Variants in HPSE observed in about 807,000 individuals in gnomAD.
HPSE encodes heparanase.
A neutral mutation model predicts 65.1 loss-of-function variants in HPSE; 48 were observed. That is an observed-to-expected ratio of 0.74 (90% CI 0.58 to 0.94). The LOEUF (loss-of-function observed/expected upper bound fraction) is 0.94, where lower values mean the gene tolerates loss of function less well. HPSE is among the 40% of genes least tolerant of loss of function. The probability of loss-of-function intolerance (pLI) is 0.00; values close to 1 mark genes in which losing one functional copy is unlikely to be tolerated. For synonymous variants in HPSE, 243 were observed against 260.0 expected (o/e 0.93, Z 0.63); for missense variants, 644 against 637.5 (o/e 1.01, Z -0.11).
At chr4:83,313,061 A>G in intron 4 of HPSE, 53 bp downstream of exon 4, 1 of 1,104,396 alleles carries the variant, frequency 9.1e-7, no homozygotes, top group East Asian at 2.4e-5. Flanking sequence ...AAGAAAAGAA[A>G]TAATGCTAGT....
intron 1 of HPSE, among the ~76,000 whole-genome samples, chr4:83,332,516 A>G (rs1264057702): frequency 6.6e-6 from 1 of 152,258 alleles, no homozygotes; most frequent in African/African-American, 2.4e-5. Flanking sequence ...TGTAAACCAG[A>G]AAAAAAGTTT....
intron 1 of HPSE, among the ~76,000 whole-genome samples, chr4:83,333,514 C>T (rs1343394207): frequency 6.6e-6 from 1 of 152,140 alleles, no homozygotes; most frequent in Non-Finnish European, 1.5e-5. Context: ...GTGATCTTTC[C>T]CTCTATCTGG....
chr4:83,308,930 C>A lies in HPSE; in HGVS notation c.1006G>T (p.Gly336Cys). The change falls in exon 8 of 12, where the codon GGC becomes TGC. Residue 336 changes from glycine (G) to cysteine (C), a missense_variant. Gly to Cys is a radical substitution (Grantham distance 159). Transcript: ENST00000311412. ...VFQVVESTRP[G>C]KKVWLGETSS... ...GTTTCTCCTAACCAGACCTTCTTGC[C>A]AGGCCTGGTGCTCTCAACCACCTAT... The A allele has an allele frequency of 6.2e-7, 1 of 1,614,096 alleles. No homozygotes were observed. The highest frequency in any genetic ancestry group is 8.5e-7 in the Non-Finnish European group (1 of 1,179,932).
chr4:83,308,496 C>T (rs1413481156), intron 8 of HPSE, among the ~76,000 whole-genome samples: 2 of 152,230 alleles, frequency 1.3e-5, no homozygotes, highest in Non-Finnish European at 2.9e-5. Flanking sequence ...ATCCTCCCAC[C>T]TTGGCCTCCC....
Position 83,298,472 on chromosome 4 carries a change from A to AT in HPSE, c.1472+2487dup, listed in dbSNP as rs199559203. On this transcript the variant is annotated intron_variant, in intron 11 of 11. Transcript: ENST00000311412. ...GGCAATATAGTGAGACCTTGTCTCT[A>AT]TTTTTTTTTAAAAAAAAACAGATGT... Among the ~76,000 whole-genome samples, 150 of 150,196 alleles carry AT rather than the reference A, an allele frequency of 1.0e-3. 1 individual carries two copies. Among genetic ancestry groups the AT allele is most frequent in the African/African-American group, 2.4e-3 (98 of 40,336 alleles).
rs1261954895 is a variant in HPSE, at chr4:83,298,285, T to C, written c.1472+2675A>G. On this transcript the variant is annotated intron_variant, in intron 11 of 11. Transcript: ENST00000311412. Reference sequence around the variant, plus strand: ...TAGCAAGCAACAGATTCGGCGGAAATGGGGATGCTGGGCAAAATGTATGAG... The same window carrying C: ...TAGCAAGCAACAGATTCGGCGGAAACGGGGATGCTGGGCAAAATGTATGAG... 3.3e-5 allele frequency among the ~76,000 whole-genome samples: 5 copies of C among 152,104 alleles called. No individual in the cohort carries two copies. The East Asian group carries it at 9.7e-4, about 29-fold the overall frequency.
At chr4:83,320,047 A>G (rs1736825307) in intron 2 of HPSE, among the ~76,000 whole-genome samples, 2 of 151,318 alleles carry the variant, frequency 1.3e-5, no homozygotes, top group South Asian at 4.1e-4. Context: ...AAAAAAAAAA[A>G]AAAGCTGGAA....
At chr4:83,327,350 T>G (rs1321760302) in intron 1 of HPSE, among the ~76,000 whole-genome samples, 1 of 152,268 alleles carries the variant, frequency 6.6e-6, no homozygotes, top group East Asian at 1.9e-4. Flanking sequence ...AGGACCTTTT[T>G]GTTTGTCTCC....
rs1735598307 is a variant in HPSE at position 83,292,856 on chromosome 4, G to C, written c.*2488C>G. Reference sequence around the variant, plus strand: ...TGGTATAAGGGATGTTGGAGACTCAGAAGGGAAGAGGGCGGAAGGAGGGTA... The same window carrying C: ...TGGTATAAGGGATGTTGGAGACTCACAAGGGAAGAGGGCGGAAGGAGGGTA... On this transcript the variant is annotated 3_prime_UTR_variant, in exon 12 of 12. Coordinates refer to ENST00000311412, the MANE Select transcript of HPSE (RefSeq NM_001098540.3). 6.6e-6 allele frequency: 1 copy of C among 152,198 alleles called. No individual in the cohort carries two copies. The highest frequency in any genetic ancestry group is 2.4e-5 in the African/African-American group (1 of 41,446). 9.4% of individuals were successfully genotyped at this position (152,198 alleles called of 1,614,324 possible). A position where few individuals can be genotyped will look rare whatever the true frequency, so the allele number is the denominator to read the frequency against.
intron 1 of HPSE, among the ~76,000 whole-genome samples, chr4:83,325,006 G>A (rs113606633): frequency 0.013 from 1,964 of 152,242 alleles, 42 homozygotes; most frequent in African/African-American, 0.043. Flanking sequence ...ATACAGGAGA[G>A]AATTATGCCA....
chr4:83,305,967 T>C lies in HPSE; in HGVS notation c.1206+236A>G, dbSNP rs560341266. Among the ~76,000 whole-genome samples the C allele has an allele frequency of 2.6e-5, 4 of 152,200 alleles. No homozygotes were observed. The South Asian group carries it at 8.3e-4, about 32-fold the overall frequency. On this transcript the variant is annotated intron_variant, in intron 9 of 11. Coordinates refer to ENST00000311412, the MANE Select transcript of HPSE (RefSeq NM_001098540.3). ...TCAAATTATCCCCTTTTAAACAAAA[T>C]CCACACTATACTGCAAATGGCTTAC...
chr4:83,322,172 G>A (rs754101245), intron 2 of HPSE, 47 bp downstream of exon 2: 10 of 1,523,612 alleles, frequency 6.6e-6, no homozygotes, highest in African/African-American at 1.4e-5. Context: ...TTCTCATGAC[G>A]GACTGACGTT....
intron 1 of HPSE, among the ~76,000 whole-genome samples, chr4:83,327,405 C>T (rs1737196803): frequency 6.6e-6 from 1 of 152,088 alleles, no homozygotes; most frequent in Non-Finnish European, 1.5e-5. Context: ...AATATTGACG[C>T]CCTCTGACAA....
chr4:83,306,348 G>A (rs538782794), intron 8 of HPSE, 31 bp from the exon 9 acceptor site: 1 of 1,242,048 alleles, frequency 8.1e-7, no homozygotes, highest in South Asian at 1.3e-5. Context: ...GCTTTCTTGA[G>A]GTTTGGAAAC....
chr4:83,304,298 A>G (rs977760712), intron 9 of HPSE, among the ~76,000 whole-genome samples: 1 of 152,212 alleles, frequency 6.6e-6, no homozygotes, highest in Non-Finnish European at 1.5e-5. Context: ...TTTTCCTGGT[A>G]GAAAGGGAAG....
chr4:83,332,604 A>C (rs1401254471), intron 1 of HPSE, among the ~76,000 whole-genome samples: 1 of 152,252 alleles, frequency 6.6e-6, no homozygotes, highest in Non-Finnish European at 1.5e-5. Context: ...GAGGGGAAAA[A>C]AGGGTGCTCT....
intron 11 of HPSE, among the ~76,000 whole-genome samples, chr4:83,296,779 C>T (rs1735740266): frequency 6.6e-6 from 1 of 151,426 alleles, no homozygotes; most frequent in Admixed American, 6.6e-5. Context: ...ACACTTATAA[C>T]AGTGTCTTTT....
At position 83,314,382 on chromosome 4, in the gene HPSE, G is replaced by T. The variant is rs117757174; in HGVS notation, c.500-1095C>A. ...AGTGCTATTTACAGAGGCACTGTAG[G>T]ATCTTTTAAGTTTGCAAGGAAAAAA... On this transcript the variant is annotated intron_variant, in intron 3 of 11. Transcript: ENST00000311412. Among the ~76,000 whole-genome samples, 31 of 152,174 alleles carry T rather than the reference G, an allele frequency of 2.0e-4. No homozygotes were observed. The East Asian group carries it at 5.8e-3, about 28-fold the overall frequency.
At chr4:83,310,514 T>A (rs537053894) in intron 5 of HPSE, among the ~76,000 whole-genome samples, 2 of 152,038 alleles carry the variant, frequency 1.3e-5, no homozygotes, top group African/African-American at 4.8e-5. Flanking sequence ...ACAAAAAAAT[T>A]TTTTTAAAGT....
Sources: allele counts gnomAD v4.1 joint callset (sites outside exome capture counted in the v4.1 genomes callset), GRCh38; gene constraint gnomAD v4.1.1; transcripts MANE v1.5; gene names NCBI Gene and HGNC (gene_info 2026-07-23, HGNC 2026-07-21).